EXOC6: variants seen among roughly 807,000 people sequenced by gnomAD.
The protein encoded by EXOC6 is SEC15-like 1.
A neutral mutation model predicts 112.5 loss-of-function variants in EXOC6; 60 were observed. That is an observed-to-expected ratio of 0.53 (90% CI 0.43 to 0.66). EXOC6 has a LOEUF of 0.66. Ranked by LOEUF, EXOC6 falls within the 30% of genes least tolerant of loss-of-function variation. The pLI, the probability that EXOC6 is intolerant of heterozygous loss-of-function variation, is 0.00. For missense variants in EXOC6, 855 were observed against 957.1 expected (o/e 0.89, Z 1.41); for synonymous variants, 295 against 308.0 (o/e 0.96, Z 0.44).
chr10:93,035,225 C>T (rs1478184285), intron 20 of EXOC6, among the ~76,000 whole-genome samples: 3 of 152,090 alleles, frequency 2.0e-5, no homozygotes, highest in Non-Finnish European at 4.4e-5. Context: ...GTCATAATTC[C>T]GGAAGTTTAT....
chr10:93,015,594 G>A (rs1002732018), intron 20 of EXOC6, among the ~76,000 whole-genome samples: 7 of 152,132 alleles, frequency 4.6e-5, no homozygotes, highest in Non-Finnish European at 7.4e-5. Flanking sequence ...TTAGCTGTGC[G>A]TGGTGGCACA....
At chr10:93,033,050 A>C (rs1436166524) in intron 20 of EXOC6, among the ~76,000 whole-genome samples, 1 of 152,126 alleles carries the variant, frequency 6.6e-6, no homozygotes, top group Admixed American at 6.5e-5. Context: ...AATTAGGAGG[A>C]TTATCAGAGC....
intron 1 of EXOC6, among the ~76,000 whole-genome samples, chr10:92,850,493 T>C (rs1466387084): frequency 4.6e-5 from 7 of 152,270 alleles, no homozygotes; most frequent in Non-Finnish European, 8.8e-5. Flanking sequence ...GAACATTGTT[T>C]AAGCTACTAC....
At chr10:92,959,709 A>G (rs1361762976) in intron 17 of EXOC6, among the ~76,000 whole-genome samples, 1 of 152,240 alleles carries the variant, frequency 6.6e-6, no homozygotes, top group Non-Finnish European at 1.5e-5. Flanking sequence ...AGACCTTAAC[A>G]TATACCTCAG....
At chr10:92,875,187 T>TCATATCAGTTAAACTGTTTGAATTATGCA in intron 1 of EXOC6, among the ~76,000 whole-genome samples, 2 of 152,338 alleles carry the variant, frequency 1.3e-5, no homozygotes, top group South Asian at 4.1e-4. Context: ...CAGATATCTT[T>TCATATCAGTTAAACTGTTTGAATTATGCA]CATATCAGTT....
At chr10:92,971,257 G>T (rs973334158) in intron 17 of EXOC6, among the ~76,000 whole-genome samples, 5 of 152,064 alleles carry the variant, frequency 3.3e-5, no homozygotes, top group Non-Finnish European at 7.4e-5. Flanking sequence ...TGTTAGCCAG[G>T]ATGGTCTTGA....
rs568172807 is a variant in EXOC6 at position 93,032,415 on chromosome 10, C to G, written c.2169+18148C>G. On this transcript the variant is annotated intron_variant, in intron 20 of 21. Transcript: ENST00000260762. ...ACGTCAGGGGTTCCAACTTGAGAAC[C>G]ATGGGTTGGTTTTAGGAGGTTCAAG... Among the ~76,000 whole-genome samples, 5 of 152,220 alleles carry G rather than the reference C, an allele frequency of 3.3e-5. No individual in the cohort carries two copies. The South Asian group carries it at 1.0e-3, about 32-fold the overall frequency.
intron 17 of EXOC6, among the ~76,000 whole-genome samples, chr10:92,965,492 T>C (rs1344852367): frequency 1.3e-5 from 2 of 152,198 alleles, no homozygotes; most frequent in Non-Finnish European, 2.9e-5. Context: ...AGTTAGCTGA[T>C]ATGCTGACTA....
chr10:93,054,947 C>T (rs1846471001), intron 20 of EXOC6, among the ~76,000 whole-genome samples: 2 of 110,926 alleles, frequency 1.8e-5, no homozygotes, highest in South Asian at 2.6e-4. Flanking sequence ...TAGAGTATTA[C>T]AAAAATAAAG....
intron 17 of EXOC6, among the ~76,000 whole-genome samples, chr10:92,964,333 G>A (rs1854185200): frequency 6.6e-6 from 1 of 151,534 alleles, no homozygotes; most frequent in Non-Finnish European, 1.5e-5. Flanking sequence ...AATTATATTG[G>A]TTAGTCTTAT....
intron 1 of EXOC6, among the ~76,000 whole-genome samples, chr10:92,891,471 C>G (rs1849496021): frequency 6.6e-6 from 1 of 152,026 alleles, no homozygotes; most frequent in South Asian, 2.1e-4. Context: ...GCATAGATGC[C>G]AAGAACCTAA....
intron 1 of EXOC6, among the ~76,000 whole-genome samples, chr10:92,858,792 G>A (rs1421307890): frequency 6.6e-6 from 1 of 152,124 alleles, no homozygotes. Context: ...TTGAGACAGA[G>A]TCTTGCTCTG....
intron 1 of EXOC6, among the ~76,000 whole-genome samples, chr10:92,865,355 G>T (rs1848123960): frequency 6.6e-6 from 1 of 152,048 alleles, no homozygotes; most frequent in Admixed American, 6.5e-5. Context: ...CCACCATGGT[G>T]AAACCCCGTC....
At chr10:93,052,167 ACTG>A (rs1564942072) in intron 20 of EXOC6, among the ~76,000 whole-genome samples, 20 of 152,366 alleles carry the variant, frequency 1.3e-4, no homozygotes, top group South Asian at 6.2e-4. Flanking sequence ...ATGACCTGGC[ACTG>A]TGGGTTCACT....
At chr10:93,004,057 G>A (rs1049094323) in intron 19 of EXOC6, among the ~76,000 whole-genome samples, 3 of 152,160 alleles carry the variant, frequency 2.0e-5, no homozygotes, top group African/African-American at 4.8e-5. Flanking sequence ...GAATGAGGCA[G>A]AGACTGAAAG....
At chr10:92,868,643 T>C (rs1848292337) in intron 1 of EXOC6, among the ~76,000 whole-genome samples, 1 of 152,168 alleles carries the variant, frequency 6.6e-6, no homozygotes, top group Admixed American at 6.5e-5. Context: ...AACAGGCATG[T>C]TGATGATATT....
chr10:93,005,923 G>A (rs954402806), intron 19 of EXOC6, among the ~76,000 whole-genome samples: 1 of 152,144 alleles, frequency 6.6e-6, no homozygotes, highest in East Asian at 1.9e-4. Flanking sequence ...ACTTTGGGAG[G>A]CCACGACTGG....
At chr10:92,946,451 A>C (rs1267798609) in intron 13 of EXOC6, among the ~76,000 whole-genome samples, 1 of 151,952 alleles carries the variant, frequency 6.6e-6, no homozygotes, top group African/African-American at 2.4e-5. Flanking sequence ...TTCTACCCCT[A>C]CTGTTGCAGC....
intron 13 of EXOC6, among the ~76,000 whole-genome samples, 172 bp downstream of exon 13, chr10:92,940,996 A>G (rs1050081970): frequency 2.0e-5 from 3 of 152,096 alleles, no homozygotes; most frequent in East Asian, 3.9e-4. Context: ...TGTACAGTCA[A>G]ATTGTTGCAA....
Sources: gnomAD v4.1 joint callset for allele counts (sites outside exome capture counted in the v4.1 genomes callset) on GRCh38, gnomAD v4.1.1 for gene constraint, MANE v1.5 for transcripts, NCBI Gene and HGNC (gene_info 2026-07-23, HGNC 2026-07-21) for gene names.